DMXL2: variants seen among roughly 807,000 people sequenced by gnomAD.
DMXL2 encodes Dmx like 2.
DMXL2 carries 103 observed loss-of-function variants against 331.1 expected under a neutral mutation model. That is an observed-to-expected ratio of 0.31 (90% confidence interval 0.27 to 0.37). The LOEUF is 0.37. Among genes scored for constraint, DMXL2 ranks in the 10% least tolerant of loss-of-function variants. The probability of loss-of-function intolerance (pLI) is 1.00; values close to 1 mark genes in which losing one functional copy is unlikely to be tolerated. For synonymous variants in DMXL2, 1,281 were observed against 1,252.1 expected (o/e 1.02, Z -0.49); for missense variants, 3,171 against 3,642.9 (o/e 0.87, Z 3.33).
chr15:51,594,495 G>A (rs1345103159), intron 1 of DMXL2, among the ~76,000 whole-genome samples: 4 of 152,160 alleles, frequency 2.6e-5, no homozygotes, highest in South Asian at 2.1e-4. Context: ...ACAAGGAGGA[G>A]CTGGTACCAT....
At position 51,480,911 on chromosome 15, in the gene DMXL2, A is replaced by G. The variant is rs776337376; in HGVS notation, c.6195T>C (p.Asp2065=). 7 of 1,612,642 alleles carry G rather than the reference A, an allele frequency of 4.3e-6. No homozygotes were observed. Among genetic ancestry groups the G allele is most frequent in the Middle Eastern group, 3.3e-4 (2 of 6,054 alleles). ...LRTLATGYEV[D]GGKLRFQLYN... is the part of the protein sequence containing the mutation. ...AGAGTTGAAATCTGAGTTTTCCTCCATCTACTTCATAACCTGTAGCCAATG... is the reference window on the plus strand; with the variant it reads ...AGAGTTGAAATCTGAGTTTTCCTCCGTCTACTTCATAACCTGTAGCCAATG... Residue 2065 remains aspartate, a synonymous_variant, in exon 24 of 44, where the codon GAT becomes GAC. Transcript: ENST00000560891.
At chr15:51,581,582 A>C (rs2051422381) in intron 1 of DMXL2, among the ~76,000 whole-genome samples, 1 of 152,214 alleles carries the variant, frequency 6.6e-6, no homozygotes, top group African/African-American at 2.4e-5. Flanking sequence ...TTAGTTTTAT[A>C]TATAATTGTC....
At chr15:51,496,519 G>GTTC (rs746114274) in intron 18 of DMXL2, among the ~76,000 whole-genome samples, 1 of 152,178 alleles carries the variant, frequency 6.6e-6, no homozygotes, top group Non-Finnish European at 1.5e-5. Flanking sequence ...TTAGGCCACT[G>GTTC]TAAGGCTCTT....
rs1412677022 is a variant in DMXL2, at chr15:51,450,139, C to T, written c.8957G>A (p.Gly2986Asp). 1.2e-6 allele frequency: 2 copies of T among 1,613,728 alleles called. No individual in the cohort carries two copies. The highest frequency in any genetic ancestry group is 1.7e-6 in the Non-Finnish European group (2 of 1,179,950). The change falls in exon 43 of 44, where the codon GGT becomes GAT. Residue 2986 changes from glycine to aspartate, a missense_variant. Gly to Asp is a moderately conservative substitution (Grantham distance 94). Transcript: ENST00000560891. ...EEYFTTGSAEGNIKVWRLTGH... is the reference protein window; with the variant it reads ...EEYFTTGSAEDNIKVWRLTGH... ...CTTGTACTGACTCACCTTTATGTTA[C>T]CTTCTGCTGAACCTGTGGTAAAATA...
At chr15:51,521,354 A>AAT (rs2047351103) in intron 13 of DMXL2, among the ~76,000 whole-genome samples, 2 of 151,652 alleles carry the variant, frequency 1.3e-5, no homozygotes, top group Non-Finnish European at 2.9e-5. Flanking sequence ...TAAGTGAGTT[A>AAT]ATATATATAA....
At chr15:51,456,920 C>T (rs1483377229) in intron 37 of DMXL2, among the ~76,000 whole-genome samples, 1 of 152,176 alleles carries the variant, frequency 6.6e-6, no homozygotes, top group Non-Finnish European at 1.5e-5. Context: ...GCCTGTAATC[C>T]TAGCACCTTG....
rs145547072 is a variant in DMXL2, at chr15:51,517,096, G to A, written c.2508C>T (p.Leu836=). 147 of 1,613,574 alleles carry A rather than the reference G, an allele frequency of 9.1e-5. No individual in the cohort carries two copies. The highest frequency in any genetic ancestry group is 1.1e-4 in the Non-Finnish European group (135 of 1,179,756). Residue 836 remains leucine (L), a synonymous_variant, in exon 14 of 44, where the codon CTC becomes CTT. Transcript: ENST00000560891. The part of the protein sequence containing the change: ...STARPGCIIE[L]DAITNQCGSN... ...TTTTTACTTGGTTGGTTATTGCGTC[G>A]AGTTCAATAATGCAGCCAGGTCGAG...
chr15:51,569,656 C>T (rs1035259510), intron 2 of DMXL2, among the ~76,000 whole-genome samples: 6 of 152,298 alleles, frequency 3.9e-5, no homozygotes, highest in Admixed American at 2.6e-4. Context: ...TTTGTTGTTC[C>T]GCAGCCTCCG....
chr15:51,489,613 C>A (rs2042648482), intron 20 of DMXL2, among the ~76,000 whole-genome samples: 2 of 151,582 alleles, frequency 1.3e-5, no homozygotes, highest in Non-Finnish European at 2.9e-5. Flanking sequence ...CGAAATCACA[C>A]CATTGCAATC....
chr15:51,613,238 AT>A (rs2141415702), intron 1 of DMXL2, among the ~76,000 whole-genome samples: 1 of 152,368 alleles, frequency 6.6e-6, no homozygotes, highest in South Asian at 2.1e-4. Context: ...ATAGGAAATC[AT>A]AAGAGTATTG....
chr15:51,570,435 A>G (rs1211178067), intron 2 of DMXL2, among the ~76,000 whole-genome samples: 1 of 152,182 alleles, frequency 6.6e-6, no homozygotes, highest in Non-Finnish European at 1.5e-5. Context: ...TTCAGGAAAT[A>G]CAGAGAACAC....
chr15:51,488,392 G>C (rs1167390647), intron 21 of DMXL2, among the ~76,000 whole-genome samples, 156 bp downstream of exon 21: 1 of 152,122 alleles, frequency 6.6e-6, no homozygotes, highest in African/African-American at 2.4e-5. Context: ...AAGCTGAAAA[G>C]ATATTTTACC....
At chr15:51,551,974 T>G (rs1417562254) in intron 6 of DMXL2, among the ~76,000 whole-genome samples, 1 of 152,220 alleles carries the variant, frequency 6.6e-6, no homozygotes, top group Non-Finnish European at 1.5e-5. Flanking sequence ...AAGTGGTATT[T>G]AAACTGAGAG....
At chr15:51,513,354 C>G (rs111754435) in intron 15 of DMXL2, among the ~76,000 whole-genome samples, 1 of 152,134 alleles carries the variant, frequency 6.6e-6, no homozygotes, top group South Asian at 2.1e-4. Context: ...AGGTAAGATA[C>G]TACAGAAAAG....
At chr15:51,547,095 G>C in intron 7 of DMXL2, 135 bp downstream of exon 7, 1 of 742,332 alleles carries the variant, frequency 1.3e-6, no homozygotes, top group Non-Finnish European at 2.1e-6. Flanking sequence ...GCTAATAGTA[G>C]GATTTGATTT....
intron 6 of DMXL2, among the ~76,000 whole-genome samples, chr15:51,557,843 T>A (rs1003941014): frequency 2.6e-5 from 4 of 152,254 alleles, no homozygotes; most frequent in Non-Finnish European, 5.9e-5. Context: ...AAACTTGACC[T>A]TCTTCAAATC....
In DMXL2 at chr15:51,448,927, G is replaced by A. The variant is rs1217007643; in HGVS notation, c.*57C>T. On this transcript the variant is annotated 3_prime_UTR_variant, in exon 44 of 44. Coordinates refer to ENST00000560891, the MANE Select transcript of DMXL2 (RefSeq NM_001378457.1). ...ACTGCTTAGAAAGCAGAATTGCCTA[G>A]TGATGACTGTAGTGTGCCTTTTAAC... 6.6e-7 allele frequency: 1 copy of A among 1,522,568 alleles called. No individual in the cohort carries two copies. The highest frequency in any genetic ancestry group is 9.0e-7 in the Non-Finnish European group (1 of 1,109,922). The allele number at this position is 1,522,568 out of a possible 1,614,324, so 94.3% of individuals were successfully genotyped here. A position where few individuals can be genotyped will look rare whatever the true frequency, so the allele number is the denominator to read the frequency against.
At chr15:51,618,874 T>C (rs981665821) in intron 1 of DMXL2, among the ~76,000 whole-genome samples, 2 of 152,202 alleles carry the variant, frequency 1.3e-5, no homozygotes, top group Non-Finnish European at 2.9e-5. Context: ...TGCCAGTATA[T>C]TATAAATTCC....
intron 37 of DMXL2, 30 bp downstream of exon 37, chr15:51,457,298 A>G: frequency 6.2e-7 from 1 of 1,601,440 alleles, no homozygotes; most frequent in South Asian, 1.1e-5. Flanking sequence ...GTCCAAATCC[A>G]GAAATGATAC....
Sources: gnomAD v4.1 joint callset for allele counts (sites outside exome capture counted in the v4.1 genomes callset) on GRCh38, gnomAD v4.1.1 for gene constraint, MANE v1.5 for transcripts, NCBI Gene and HGNC (gene_info 2026-07-23, HGNC 2026-07-21) for gene names.